Variants in PARD3 observed in about 807,000 individuals in gnomAD.
PARD3 encodes the protein partitioning defective 3 homolog.
PARD3 carries 75 observed loss-of-function variants against 155.4 expected under a neutral mutation model. The ratio of observed to expected loss-of-function variants is 0.48; its 90% CI spans 0.40 to 0.58. The LOEUF is 0.58. PARD3 is among the 20% of genes least tolerant of loss of function. The pLI is 0.00. For synonymous variants in PARD3, 576 were observed against 610.5 expected (o/e 0.94, Z 0.83); for missense variants, 1,642 against 1,721.7 (o/e 0.95, Z 0.82).
intron 21 of PARD3, among the ~76,000 whole-genome samples, chr10:34,275,436 T>C (rs74745187): frequency 0.02 from 2,998 of 152,328 alleles, 51 homozygotes; most frequent in Non-Finnish European, 0.031. Flanking sequence ...AAATTAATGC[T>C]AACGAGGCTT....
chr10:34,260,765 T>C (rs1470587731), intron 22 of PARD3, among the ~76,000 whole-genome samples: 3 of 152,208 alleles, frequency 2.0e-5, no homozygotes, highest in Admixed American at 6.5e-5. Flanking sequence ...TAAGCAAACA[T>C]AAATAAAGTG....
At chr10:34,344,641 G>C (rs138637923) in intron 15 of PARD3, 1 of 985,350 alleles carries the variant, frequency 1.0e-6, no homozygotes, top group Non-Finnish European at 1.2e-6. Context: ...AAATGTTTAA[G>C]GCTTTTCAAA....
chr10:34,249,590 C>G (rs998963148), intron 22 of PARD3, among the ~76,000 whole-genome samples: 1 of 152,164 alleles, frequency 6.6e-6, no homozygotes, highest in African/African-American at 2.4e-5. Flanking sequence ...ATTAGCTACT[C>G]TCCCCCAAAA....
At chr10:34,147,580 G>C (rs1284027762) in intron 22 of PARD3, among the ~76,000 whole-genome samples, 2 of 151,494 alleles carry the variant, frequency 1.3e-5, no homozygotes, top group Non-Finnish European at 2.9e-5. Context: ...CCTTTACAAT[G>C]TCTAAATTTG....
intron 2 of PARD3, among the ~76,000 whole-genome samples, chr10:34,623,806 C>G (rs547380094): frequency 6.6e-5 from 10 of 152,090 alleles, no homozygotes; most frequent in African/African-American, 2.4e-4. Context: ...ACGGTGAAAC[C>G]CTGACTCTAC....
chr10:34,686,998 G>A (rs906350320), intron 2 of PARD3, among the ~76,000 whole-genome samples: 4 of 151,978 alleles, frequency 2.6e-5, no homozygotes, highest in Non-Finnish European at 4.4e-5. Flanking sequence ...TCAGTGAGCC[G>A]AGACAGCGCC....
At chr10:34,760,948 G>C (rs1837368516) in intron 1 of PARD3, among the ~76,000 whole-genome samples, 1 of 151,980 alleles carries the variant, frequency 6.6e-6, no homozygotes, top group African/African-American at 2.4e-5. Flanking sequence ...TAAGTTTTGG[G>C]ATAATGTGTT....
intron 5 of PARD3, among the ~76,000 whole-genome samples, chr10:34,441,337 T>G (rs370387604): frequency 3.3e-5 from 5 of 152,210 alleles, no homozygotes; most frequent in East Asian, 3.9e-4. Flanking sequence ...ATGTGTGCTG[T>G]GTCACTTCAG....
At chr10:34,599,066 C>T (rs1333815187) in intron 2 of PARD3, among the ~76,000 whole-genome samples, 1 of 152,066 alleles carries the variant, frequency 6.6e-6, no homozygotes, top group Non-Finnish European at 1.5e-5. Context: ...TGCCTGAAAG[C>T]GTTCCCCATT....
At chr10:34,361,493 A>T (rs567563020) in intron 12 of PARD3, among the ~76,000 whole-genome samples, 2 of 152,382 alleles carry the variant, frequency 1.3e-5, no homozygotes, top group South Asian at 2.1e-4. Context: ...CCAAATTTTT[A>T]AAATGTCCTA....
intron 2 of PARD3, among the ~76,000 whole-genome samples, chr10:34,583,203 G>A (rs998032004): frequency 1.2e-4 from 18 of 152,144 alleles, no homozygotes; most frequent in Middle Eastern, 3.4e-3. Context: ...CAAATGACAC[G>A]ATATAACCAT....
chr10:34,800,516 C>A (rs1339542277), intron 1 of PARD3, among the ~76,000 whole-genome samples: 1 of 151,990 alleles, frequency 6.6e-6, no homozygotes, highest in Non-Finnish European at 1.5e-5. Flanking sequence ...GAGGCTGAGG[C>A]AGGAGAATTG....
intron 15 of PARD3, chr10:34,345,786 G>C (rs1837352046): frequency 2.0e-6 from 2 of 985,184 alleles, no homozygotes; most frequent in African/African-American, 3.5e-5. Context: ...GTAACGTCTT[G>C]AACAGGATTT....
At chr10:34,153,315 A>G (rs963863886) in intron 22 of PARD3, among the ~76,000 whole-genome samples, 1 of 152,136 alleles carries the variant, frequency 6.6e-6, no homozygotes, top group African/African-American at 2.4e-5. Context: ...CCTGTCCAGG[A>G]GCCATTTTAA....
At chr10:34,225,889 G>T (rs1952574482) in intron 22 of PARD3, among the ~76,000 whole-genome samples, 1 of 152,060 alleles carries the variant, frequency 6.6e-6, no homozygotes, top group Non-Finnish European at 1.5e-5. Context: ...TGAAAAATTG[G>T]ATTCATCGAA....
intron 21 of PARD3, among the ~76,000 whole-genome samples, chr10:34,281,760 T>C (rs189767331): frequency 1.3e-5 from 2 of 152,276 alleles, no homozygotes; most frequent in Admixed American, 1.3e-4. Context: ...ATATTCAAGA[T>C]TCCCAGATGT....
At chr10:34,752,547 AAAAC>A (rs1836185507) in intron 1 of PARD3, among the ~76,000 whole-genome samples, 2 of 152,084 alleles carry the variant, frequency 1.3e-5, no homozygotes, top group South Asian at 4.1e-4. Context: ...GAAAAAAAAA[AAAAC>A]AGAAGCAAAG....
chr10:34,480,450 C>G (rs1353204703), intron 3 of PARD3, among the ~76,000 whole-genome samples: 2 of 152,308 alleles, frequency 1.3e-5, no homozygotes, highest in African/African-American at 4.8e-5. Flanking sequence ...GTGGCCCAGG[C>G]TGGTCACAAA....
chr10:34,612,031 T>TTAG (rs2090946129), intron 2 of PARD3, among the ~76,000 whole-genome samples: 1 of 150,474 alleles, frequency 6.6e-6, no homozygotes, highest in South Asian at 2.1e-4. Context: ...TTTCACCGTG[T>TTAG]TAGCCAGGAT....
Sources: allele counts gnomAD v4.1 joint callset (sites outside exome capture counted in the v4.1 genomes callset), GRCh38; gene constraint gnomAD v4.1.1; transcripts MANE v1.5; gene names NCBI Gene and HGNC (gene_info 2026-07-23, HGNC 2026-07-21).